The following NEBL variants were observed in gnomAD, a reference collection of about 807,000 sequenced individuals.
NEBL encodes the protein LIM and SH3 protein 2.
In NEBL, 122 loss-of-function variants were observed where a neutral mutation model predicts 140.2. That is an observed-to-expected ratio of 0.87 (90% CI 0.75 to 1.01). NEBL has a LOEUF of 1.01. NEBL is among the 50% of genes least tolerant of loss of function. The pLI, the probability that NEBL is intolerant of heterozygous loss-of-function variation, is 0.00. For missense variants in NEBL, 1,365 were observed against 1,231.3 expected (o/e 1.11, Z -1.62); for synonymous variants, 436 against 398.9 (o/e 1.09, Z -1.11).
chr10:21,259,571 AG>A (rs1842710587), intron 1 of NEBL, among the ~76,000 whole-genome samples: 1 of 152,030 alleles, frequency 6.6e-6, no homozygotes, highest in Non-Finnish European at 1.5e-5. Context: ...CTCCACCCCA[AG>A]CCCCACCCTT....
intron 3 of NEBL, among the ~76,000 whole-genome samples, chr10:21,211,671 C>T (rs2132235951): frequency 6.6e-6 from 1 of 152,282 alleles, no homozygotes; most frequent in Admixed American, 6.5e-5. Flanking sequence ...CCAGTTACGT[C>T]AACTTCAAAA....
At chr10:20,824,978 T>C (rs1336973513) in intron 18 of NEBL, among the ~76,000 whole-genome samples, 1 of 152,144 alleles carries the variant, frequency 6.6e-6, no homozygotes, top group Non-Finnish European at 1.5e-5. Flanking sequence ...TAACACAGGC[T>C]CTCACCATGA....
intron 7 of NEBL, among the ~76,000 whole-genome samples, chr10:20,862,269 A>G (rs546666316): frequency 1.3e-5 from 2 of 152,332 alleles, no homozygotes; most frequent in African/African-American, 4.8e-5. Flanking sequence ...TGTGAAATTT[A>G]TCTTGTTTGA....
At chr10:21,104,888 A>G (rs1422584791) in intron 2 of NEBL, among the ~76,000 whole-genome samples, 1 of 152,156 alleles carries the variant, frequency 6.6e-6, no homozygotes, top group African/African-American at 2.4e-5. Flanking sequence ...ATCAGGATGA[A>G]GAAGTTTCCA....
At chr10:20,923,660 C>T (rs1007255258) in intron 4 of NEBL, among the ~76,000 whole-genome samples, 1 of 19,002 alleles carries the variant, frequency 5.3e-5, no homozygotes, top group Non-Finnish European at 1.1e-4. Context: ...GAGCAAGACT[C>T]CGTCTCAAAA....
At chr10:21,172,395 G>T in exon 2 of NEBL, 1 of 1,612,954 alleles carries the variant, frequency 6.2e-7, no homozygotes, top group Non-Finnish European at 8.5e-7. Flanking sequence ...ATTACAATAG[G>T]GCTTCTTTTC....
At chr10:21,170,295 A>C (rs1276480285) in intron 2 of NEBL, 1 of 152,090 alleles carries the variant, frequency 6.6e-6, no homozygotes, top group Non-Finnish European at 1.5e-5. Context: ...GGGCCACCCA[A>C]AGGCATTGTT....
chr10:20,792,507 C>A (rs1315625864), intron 26 of NEBL, among the ~76,000 whole-genome samples: 1 of 152,098 alleles, frequency 6.6e-6, no homozygotes. Flanking sequence ...CTAGTTAAAT[C>A]CTGTCTAGTC....
In NEBL at chr10:20,980,390, G is replaced by GA. The variant is rs10715435; in HGVS notation, c.250-18612dup. Among the ~76,000 whole-genome samples the GA allele has an allele frequency of 4.4e-3, 656 of 149,042 alleles. 4 individuals carry two copies. Among genetic ancestry groups the GA allele is most frequent in the African/African-American group, 0.015 (599 of 40,756 alleles). ...TTCAGAAACAAAAGAACCAGAAAAA[G>GA]AAAAAAAAATATATTTAGGTGCTTG... On this transcript the variant is annotated intron_variant, in intron 3 of 6. Coordinates refer to the NEBL transcript ENST00000417816.
At position 21,173,631 on chromosome 10, in the gene NEBL, C is replaced by T; in HGVS notation, c.69+134G>A. The T allele has an allele frequency of 6.9e-7, 1 of 1,451,302 alleles. No individual in the cohort carries two copies. The highest frequency in any genetic ancestry group is 9.5e-7 in the Non-Finnish European group (1 of 1,057,042). 89.9% of individuals were successfully genotyped at this position (1,451,302 alleles called of 1,614,324 possible). The stretch of plus-strand genomic sequence containing the variant: ...CCCGCTGGCGTCTTCGTTCGCGCGC[C>T]CTCCCCCCGTGCCAAGGCACACGCA... On this transcript the variant is annotated intron_variant, in intron 1 of 6. Transcript: ENST00000417816. The surrounding 1 kb of genome is among the most constrained non-coding windows in gnomAD (Gnocchi z 5.7).
intron 3 of NEBL, among the ~76,000 whole-genome samples, chr10:21,009,140 G>T (rs1347961792): frequency 2.6e-5 from 4 of 152,036 alleles, no homozygotes; most frequent in Admixed American, 2.6e-4. Context: ...AATTTTAATG[G>T]TTTATAAGCA....
At chr10:20,809,727 A>G in intron 25 of NEBL, 79 bp downstream of exon 25, 2 of 1,150,222 alleles carry the variant, frequency 1.7e-6, no homozygotes, top group Non-Finnish European at 2.6e-6. Context: ...TACACAGTAC[A>G]ATGAACCTCT....
chr10:21,106,323 T>C (rs1169919291), intron 2 of NEBL, among the ~76,000 whole-genome samples: 1 of 152,200 alleles, frequency 6.6e-6, no homozygotes, highest in Non-Finnish European at 1.5e-5. Context: ...GTTTCAGGTC[T>C]AACATTAAGT....
chr10:20,934,713 G>A (rs1045545634), intron 4 of NEBL, among the ~76,000 whole-genome samples: 8 of 152,152 alleles, frequency 5.3e-5, no homozygotes, highest in Non-Finnish European at 1.0e-4. Flanking sequence ...CTGCTACCAA[G>A]CTGTGTTGGT....
chr10:21,061,511 AT>A (rs1232924582), intron 2 of NEBL, among the ~76,000 whole-genome samples: 1 of 148,102 alleles, frequency 6.8e-6, no homozygotes, highest in Non-Finnish European at 1.5e-5. Context: ...ATATTACATT[AT>A]ATATTATATA....
chr10:20,980,596 G>A (rs896781846), intron 3 of NEBL, among the ~76,000 whole-genome samples: 1 of 152,144 alleles, frequency 6.6e-6, no homozygotes, highest in Non-Finnish European at 1.5e-5. Context: ...CCTTACACTT[G>A]GTAAAGTATC....
At chr10:21,157,851 A>C (rs1057295108) in intron 2 of NEBL, among the ~76,000 whole-genome samples, 5 of 152,190 alleles carry the variant, frequency 3.3e-5, no homozygotes, top group Admixed American at 2.0e-4. Context: ...GCCCTAATAC[A>C]AGATGGCTGG....
At chr10:21,139,040 A>C (rs1589274249) in intron 2 of NEBL, among the ~76,000 whole-genome samples, 1 of 152,178 alleles carries the variant, frequency 6.6e-6, no homozygotes, top group African/African-American at 2.4e-5. Flanking sequence ...TAGCCTTCAA[A>C]TCTGTTTGAA....
At chr10:21,052,775 C>T (rs1213760797) in intron 2 of NEBL, among the ~76,000 whole-genome samples, 5 of 152,122 alleles carry the variant, frequency 3.3e-5, no homozygotes, top group Non-Finnish European at 7.4e-5. Flanking sequence ...TGTAGAAATG[C>T]CACTTCCTTG....
Sources: gnomAD v4.1 joint callset for allele counts (sites outside exome capture counted in the v4.1 genomes callset) on GRCh38, gnomAD v4.1.1 for gene constraint, Gnocchi (gnomAD v3.1) non-coding constraint, MANE v1.5 for transcripts, NCBI Gene and HGNC (gene_info 2026-07-23, HGNC 2026-07-21) for gene names.